Variants in CTBP2 observed in about 807,000 individuals in gnomAD.
The protein encoded by CTBP2 is C-terminal binding protein 2, also known as C-terminal-binding protein 2.
CTBP2 carries 30 observed loss-of-function variants against 80.3 expected under a neutral mutation model. The observed-to-expected ratio is 0.37, with a 90% CI of 0.28 to 0.51. CTBP2 has a LOEUF of 0.51. CTBP2 is among the 20% of genes least tolerant of loss of function. The pLI is 0.93. For missense variants in CTBP2, 1,212 were observed against 1,375.3 expected (o/e 0.88, Z 1.88); for synonymous variants, 594 against 587.4 (o/e 1.01, Z -0.16).
chr10:125,035,717 C>T (rs1002741721), intron 3 of CTBP2, among the ~76,000 whole-genome samples: 1 of 152,190 alleles, frequency 6.6e-6, no homozygotes, highest in Admixed American at 6.5e-5. Flanking sequence ...TCATTTCCAA[C>T]CAATAGATGT....
chr10:125,041,454 G>A (rs1959716518), intron 2 of CTBP2, among the ~76,000 whole-genome samples: 1 of 151,742 alleles, frequency 6.6e-6, no homozygotes, highest in African/African-American at 2.4e-5. Flanking sequence ...AGAGTTATTG[G>A]AGTGGGGGCG....
chr10:125,156,278 T>C (rs1715859), intron 1 of CTBP2, among the ~76,000 whole-genome samples: 3,746 of 152,280 alleles, frequency 0.025, 165 homozygotes, highest in African/African-American at 0.084. Context: ...TTTTCCCTGA[T>C]AGATTAACAG....
intron 1 of CTBP2, among the ~76,000 whole-genome samples, chr10:125,141,943 G>A (rs1447231952): frequency 6.6e-6 from 1 of 152,166 alleles, no homozygotes; most frequent in South Asian, 2.1e-4. Flanking sequence ...TCTGGACCTG[G>A]AGCCAGCGGC....
intron 1 of CTBP2, among the ~76,000 whole-genome samples, chr10:125,151,586 C>A (rs73379162): frequency 0.012 from 1,894 of 152,360 alleles, 50 homozygotes; most frequent in African/African-American, 0.042. Flanking sequence ...CAGCCACCAT[C>A]GCGCAGTCAA....
At chr10:125,033,585 A>G (rs780780407) in intron 3 of CTBP2, among the ~76,000 whole-genome samples, 1 of 152,166 alleles carries the variant, frequency 6.6e-6, no homozygotes, top group Non-Finnish European at 1.5e-5. Flanking sequence ...AAGCGCGCAG[A>G]AGGTTCTCCG....
At chr10:125,104,662 A>G (rs1351619195) in intron 2 of CTBP2, among the ~76,000 whole-genome samples, 5 of 151,612 alleles carry the variant, frequency 3.3e-5, no homozygotes, top group African/African-American at 1.2e-4. Context: ...TTCTTTGAAA[A>G]CCTCCTATTT....
intron 1 of CTBP2, among the ~76,000 whole-genome samples, chr10:125,120,461 A>T (rs550127630): frequency 2.0e-5 from 3 of 152,282 alleles, no homozygotes; most frequent in African/African-American, 7.2e-5. Context: ...ATCTCGGCTT[A>T]CTGCAACTTG....
intron 1 of CTBP2, among the ~76,000 whole-genome samples, chr10:125,020,292 T>TG (rs1478961168): frequency 6.6e-6 from 1 of 151,422 alleles, no homozygotes; most frequent in Non-Finnish European, 1.5e-5. Flanking sequence ...CAGCACTGGG[T>TG]GGGGGTTGGG....
At chr10:125,060,855 G>A (rs1433255308) in intron 2 of CTBP2, among the ~76,000 whole-genome samples, 2 of 152,228 alleles carry the variant, frequency 1.3e-5, no homozygotes, top group Non-Finnish European at 2.9e-5. Flanking sequence ...GACCGCAGCT[G>A]GAGACCCCTC....
At chr10:125,002,378 T>A (rs1477854827) in intron 3 of CTBP2, among the ~76,000 whole-genome samples, 1 of 152,224 alleles carries the variant, frequency 6.6e-6, no homozygotes, top group Non-Finnish European at 1.5e-5. Flanking sequence ...TAAGCAGCTT[T>A]GAAGCCCCCA....
chr10:125,126,142 A>G (rs552530491), intron 1 of CTBP2, among the ~76,000 whole-genome samples: 1 of 151,142 alleles, frequency 6.6e-6, no homozygotes, highest in Non-Finnish European at 1.5e-5. Flanking sequence ...CGCTGGACAC[A>G]CTTCGCAATG....
At chr10:125,118,039 A>AC (rs1264669434) in intron 1 of CTBP2, among the ~76,000 whole-genome samples, 1 of 152,270 alleles carries the variant, frequency 6.6e-6, no homozygotes, top group African/African-American at 2.4e-5. Context: ...AAAAGGCCCA[A>AC]CAGCCAAGAT....
upstream of CTBP2, among the ~76,000 whole-genome samples, chr10:125,030,864 C>A (rs915373186): frequency 2.6e-5 from 4 of 152,182 alleles, no homozygotes; most frequent in Non-Finnish European, 5.9e-5. Context: ...GGGTCCTGCA[C>A]CTGCCTGGGC....
At position 124,985,197 on chromosome 10, in the gene CTBP2, G is replaced by A. The variant is rs556011890; in HGVS notation, c.*4321C>T. On this transcript the variant is annotated 3_prime_UTR_variant, in exon 9 of 9. Transcript: ENST00000309035. ...GACAGAGAACTTTAGTTGGACTACA[G>A]TTTGTAAAAAAAACTAATTTTATTA... is the stretch of plus-strand genomic sequence containing the variant. The A allele has an allele frequency of 2.1e-6, 1 of 475,384 alleles. No homozygotes were observed. The highest frequency in any genetic ancestry group is 3.7e-6 in the Non-Finnish European group (1 of 270,768). The allele number at this position is 475,384 out of a possible 1,614,324, so 29.4% of individuals were successfully genotyped here. A position where few individuals can be genotyped will look rare whatever the true frequency, so the allele number is the denominator to read the frequency against.
At chr10:125,146,585 C>T (rs1357653617) in intron 1 of CTBP2, among the ~76,000 whole-genome samples, 1 of 152,074 alleles carries the variant, frequency 6.6e-6, no homozygotes, top group Non-Finnish European at 1.5e-5. Flanking sequence ...ACCTGGCCTC[C>T]AAGTGAGATT....
At chr10:125,046,292 A>C (rs1303617040) in intron 2 of CTBP2, among the ~76,000 whole-genome samples, 3 of 152,082 alleles carry the variant, frequency 2.0e-5, no homozygotes, top group Non-Finnish European at 4.4e-5. Flanking sequence ...ATCCTAGCAC[A>C]CTGGGAGGCC....
upstream of CTBP2, among the ~76,000 whole-genome samples, chr10:125,162,167 T>C (rs1217504628): frequency 2.0e-5 from 3 of 152,100 alleles, no homozygotes; most frequent in Non-Finnish European, 2.9e-5. Flanking sequence ...CCTATTGAGA[T>C]ATTAGGAGCT....
rs115817015 is a variant in CTBP2, at chr10:125,126,860, A to G, written c.-205-15767T>C. ...CGTGCACTTCTGATGGTCAAAGCCT[A>G]TAGCCCATTCTCAGCTGCCATCTGT... is the stretch of plus-strand genomic sequence containing the variant. On this transcript the variant is annotated intron_variant, in intron 1 of 10. Transcript: ENST00000337195. Among the ~76,000 whole-genome samples, 334 of 152,272 alleles carry G rather than the reference A, an allele frequency of 2.2e-3. 2 individuals are homozygous for G. The highest frequency in any genetic ancestry group is 0.011 in the Admixed American group (169 of 15,296).
At chr10:125,029,148 AGT>A (rs1356837053), upstream of CTBP2, among the ~76,000 whole-genome samples, 1 of 152,130 alleles carries the variant, frequency 6.6e-6, no homozygotes. Context: ...ATTAAACCCG[AGT>A]GCTGTTCCTC....
Sources: allele counts gnomAD v4.1 joint callset (sites outside exome capture counted in the v4.1 genomes callset), GRCh38; gene constraint gnomAD v4.1.1; transcripts MANE v1.5; gene names NCBI Gene and HGNC (gene_info 2026-07-23, HGNC 2026-07-21).